TNNI3K: variants seen among roughly 807,000 people sequenced by gnomAD.
TNNI3K encodes the protein serine/threonine-protein kinase TNNI3K.
A neutral mutation model predicts 114.5 loss-of-function variants in TNNI3K; 140 were observed. That is an observed-to-expected ratio of 1.22 (90% CI 1.07 to 1.41). The LOEUF (loss-of-function observed/expected upper bound fraction) is 1.41. Ranked by LOEUF, TNNI3K falls within the 40% of genes most tolerant of loss-of-function variation. The pLI is 0.00. For synonymous variants in TNNI3K, 347 were observed against 347.5 expected, an observed-to-expected ratio of 1.00 and a Z score of 0.02; for missense variants, 1,125 against 1,007.6, an observed-to-expected ratio of 1.12 and a Z score of -1.58.
At chr1:74,383,554 T>A (rs2100553035) in intron 17 of TNNI3K, among the ~76,000 whole-genome samples, 1 of 152,208 alleles carries the variant, frequency 6.6e-6, no homozygotes, top group Non-Finnish European at 1.5e-5. Flanking sequence ...CACATCAGAC[T>A]CTTGCTTATT....
At chr1:74,283,195 G>A (rs1018515438) in intron 5 of TNNI3K, among the ~76,000 whole-genome samples, 1 of 152,020 alleles carries the variant, frequency 6.6e-6, no homozygotes, top group Non-Finnish European at 1.5e-5. Flanking sequence ...ATATTCTGTG[G>A]CATTCGAAAA....
Position 74,336,160 on chromosome 1 carries a change from A to G in TNNI3K, c.682+11A>G, listed in dbSNP as rs1660452282. The G allele has an allele frequency of 1.9e-6, 3 of 1,591,278 alleles. No homozygotes were observed. The highest frequency in any genetic ancestry group is 4.5e-5 in the East Asian group (2 of 44,410). On this transcript the variant is annotated intron_variant, in intron 7 of 24. Coordinates refer to ENST00000326637, the MANE Select transcript of TNNI3K (RefSeq NM_015978.3). The stretch of plus-strand genomic sequence containing the variant: ...GCAGCAAAGCAGATGGTAAGATTAT[A>G]TATTTAAAAGACCTTTGCTATCATT...
intron 4 of TNNI3K, among the ~76,000 whole-genome samples, chr1:74,253,552 G>A (rs1311349115): frequency 2.0e-5 from 3 of 152,140 alleles, no homozygotes; most frequent in African/African-American, 7.2e-5. Context: ...ACTGCTGGGG[G>A]ACCCGGAGCA....
At position 74,544,232 on chromosome 1, in the gene TNNI3K, A is replaced by C. The variant is rs1646761180; in HGVS notation, c.*250A>C. ...TTTTTAATTTTGTAAATTAAAAAAA[A>C]ATTTAGATCGTTACTTGGAAATGGA... is the stretch of plus-strand genomic sequence containing the variant. On this transcript the variant is annotated 3_prime_UTR_variant, in exon 25 of 25. Coordinates refer to ENST00000326637, the MANE Select transcript of TNNI3K (RefSeq NM_015978.3). 2.5e-6 allele frequency: 1 copy of C among 407,662 alleles called. No homozygotes were observed. The highest frequency in any genetic ancestry group is 4.3e-6 in the Non-Finnish European group (1 of 233,994). The allele number at this position is 407,662 out of a possible 1,614,324, so 25.3% of individuals were successfully genotyped here.
At chr1:74,336,244 C>T in intron 7 of TNNI3K, 95 bp downstream of exon 7, 2 of 1,443,578 alleles carry the variant, frequency 1.4e-6, no homozygotes, top group Non-Finnish European at 1.8e-6. Context: ...TTGAAGTTGA[C>T]TAATCCTGTA....
At chr1:74,308,200 C>A (rs1658769000) in intron 5 of TNNI3K, among the ~76,000 whole-genome samples, 2 of 152,066 alleles carry the variant, frequency 1.3e-5, no homozygotes, top group Admixed American at 6.6e-5. Context: ...CGCCTATCAA[C>A]CGCAGAATAT....
chr1:74,454,008 T>C (rs1384462376), intron 20 of TNNI3K, among the ~76,000 whole-genome samples: 1 of 152,226 alleles, frequency 6.6e-6, no homozygotes, highest in Non-Finnish European at 1.5e-5. Context: ...GGCATGTGTC[T>C]TGCGACCTTG....
intron 21 of TNNI3K, chr1:74,475,493 C>A (rs1230641585): frequency 2.8e-6 from 2 of 716,908 alleles, no homozygotes; most frequent in Non-Finnish European, 5.2e-6. Flanking sequence ...CTGCCTACCC[C>A]ACGGTCTTTC....
At chr1:74,239,448 A>C (rs1654052085) in intron 2 of TNNI3K, among the ~76,000 whole-genome samples, 1 of 152,124 alleles carries the variant, frequency 6.6e-6, no homozygotes, top group Non-Finnish European at 1.5e-5. Context: ...AAATGTTAGA[A>C]TCTCATTACT....
At chr1:74,430,269 G>C (rs1371252076) in intron 17 of TNNI3K, among the ~76,000 whole-genome samples, 1 of 152,012 alleles carries the variant, frequency 6.6e-6, no homozygotes, top group Non-Finnish European at 1.5e-5. Flanking sequence ...GAGCACTTTA[G>C]GTAAATTTTC....
intron 5 of TNNI3K, among the ~76,000 whole-genome samples, chr1:74,312,108 A>G (rs1312516601): frequency 1.3e-5 from 2 of 152,202 alleles, no homozygotes; most frequent in East Asian, 3.8e-4. Context: ...GTTGAAAATC[A>G]CTTATGTTTA....
At chr1:74,286,583 C>A (rs1657347930) in intron 5 of TNNI3K, among the ~76,000 whole-genome samples, 1 of 152,090 alleles carries the variant, frequency 6.6e-6, no homozygotes, top group African/African-American at 2.4e-5. Context: ...TCCAGGCTTG[C>A]CCCTACAAAA....
At chr1:74,532,462 CTT>C (rs66772911) in intron 23 of TNNI3K, among the ~76,000 whole-genome samples, 161 of 151,328 alleles carry the variant, frequency 1.1e-3, no homozygotes, top group African/African-American at 3.8e-3. Flanking sequence ...TTATTTTTTT[CTT>C]TTTTTTCTTT....
intron 17 of TNNI3K, among the ~76,000 whole-genome samples, chr1:74,413,083 G>C (rs1664964024): frequency 6.6e-6 from 1 of 152,136 alleles, no homozygotes; most frequent in Admixed American, 6.6e-5. Flanking sequence ...TTCATGAATT[G>C]ATTATTGGTA....
intron 6 of TNNI3K, among the ~76,000 whole-genome samples, chr1:74,334,801 A>T (rs1403512504): frequency 6.6e-6 from 1 of 152,176 alleles, no homozygotes; most frequent in Non-Finnish European, 1.5e-5. Flanking sequence ...CAAGTCAACT[A>T]CCACTGGCTC....
intron 20 of TNNI3K, among the ~76,000 whole-genome samples, chr1:74,451,189 T>C (rs1414138785): frequency 1.3e-5 from 2 of 151,860 alleles, no homozygotes; most frequent in African/African-American, 4.8e-5. Flanking sequence ...AAGCGGGAAC[T>C]AAACAATGAG....
At chr1:74,261,591 G>T (rs1313969605) in intron 4 of TNNI3K, among the ~76,000 whole-genome samples, 1 of 151,884 alleles carries the variant, frequency 6.6e-6, no homozygotes, top group Non-Finnish European at 1.5e-5. Flanking sequence ...CAAGACTTTG[G>T]GGAAAAAATT....
chr1:74,364,381 A>G (rs1662153188), intron 11 of TNNI3K, among the ~76,000 whole-genome samples: 1 of 151,854 alleles, frequency 6.6e-6, no homozygotes, highest in Admixed American at 6.6e-5. Context: ...AGAAAAGAAA[A>G]TGCTCAACAG....
At chr1:74,508,623 C>T (rs1018136591) in intron 23 of TNNI3K, among the ~76,000 whole-genome samples, 6 of 152,144 alleles carry the variant, frequency 3.9e-5, no homozygotes, top group East Asian at 1.9e-4. Flanking sequence ...TCTGCCAGAG[C>T]GGTAGCATGG....
Sources: gnomAD v4.1 joint callset for allele counts (sites outside exome capture counted in the v4.1 genomes callset) on GRCh38, gnomAD v4.1.1 for gene constraint, MANE v1.5 for transcripts, NCBI Gene and HGNC (gene_info 2026-07-23, HGNC 2026-07-21) for gene names.